BCAS1: variants seen among roughly 807,000 people sequenced by gnomAD.
BCAS1 encodes brain enriched myelin associated protein 1, also known as breast carcinoma-amplified sequence 1.
A neutral mutation model predicts 65.4 loss-of-function variants in BCAS1; 46 were observed. That is an observed-to-expected ratio of 0.70 (90% CI 0.55 to 0.90). The LOEUF is 0.90. Ranked by LOEUF, BCAS1 falls within the 40% of genes least tolerant of loss-of-function variation. The probability of loss-of-function intolerance (pLI) is 0.00; values close to 1 mark genes in which losing one functional copy is unlikely to be tolerated. For missense variants in BCAS1, 793 were observed against 771.2 expected, an observed-to-expected ratio of 1.03 and a Z score of -0.33; for synonymous variants, 298 against 293.5, an observed-to-expected ratio of 1.02 and a Z score of -0.16.
intron 1 of BCAS1, among the ~76,000 whole-genome samples, chr20:54,065,164 C>CTATCT (rs56202418): frequency 0.018 from 2,133 of 121,002 alleles, 30 homozygotes; most frequent in East Asian, 0.073. Flanking sequence ...ATCTATCTAT[C>CTATCT]ATCTACTTTA....
At chr20:54,017,878 C>T (rs2091472568) in intron 4 of BCAS1, among the ~76,000 whole-genome samples, 1 of 152,108 alleles carries the variant, frequency 6.6e-6, no homozygotes, top group African/African-American at 2.4e-5. Context: ...AGGAAAAATA[C>T]CCAATGTTAC....
intron 4 of BCAS1, among the ~76,000 whole-genome samples, chr20:54,011,347 A>G (rs1456766909): frequency 2.0e-5 from 3 of 152,162 alleles, no homozygotes; most frequent in African/African-American, 4.8e-5. Context: ...AGAGACTAGT[A>G]TTTAGAATAC....
chr20:53,981,603 T>A (rs1212822039), intron 8 of BCAS1, among the ~76,000 whole-genome samples: 1 of 151,782 alleles, frequency 6.6e-6, no homozygotes, highest in African/African-American at 2.4e-5. Flanking sequence ...ATTGGCCAAT[T>A]TTATAACTGA....
chr20:54,040,375 T>G (rs1201252937), intron 3 of BCAS1, among the ~76,000 whole-genome samples: 2 of 151,272 alleles, frequency 1.3e-5, no homozygotes, highest in Non-Finnish European at 3.0e-5. Context: ...CTTCAGTTGT[T>G]AGGACACCAC....
chr20:54,024,359 G>T (rs2091625283), intron 4 of BCAS1, among the ~76,000 whole-genome samples: 1 of 152,164 alleles, frequency 6.6e-6, no homozygotes, highest in South Asian at 2.1e-4. Context: ...AAACTGGTGG[G>T]CATTTTGTTT....
chr20:53,995,805 C>T (rs765712729), intron 5 of BCAS1, 87 bp downstream of exon 5: 12 of 1,375,340 alleles, frequency 8.7e-6, no homozygotes, highest in Non-Finnish European at 1.2e-5. Context: ...TCATTTAGTA[C>T]AATAACATTC....
intron 12 of BCAS1, among the ~76,000 whole-genome samples, chr20:53,953,022 T>A (rs1275455822): frequency 1.4e-5 from 2 of 147,442 alleles, no homozygotes; most frequent in Non-Finnish European, 3.0e-5. Context: ...TCAACAAATA[T>A]TACCCAGAGC....
chr20:54,059,542 G>T (rs1449598362), intron 1 of BCAS1, among the ~76,000 whole-genome samples: 3 of 151,234 alleles, frequency 2.0e-5, no homozygotes, highest in African/African-American at 7.3e-5. Context: ...ACTTACTTGG[G>T]TATATATTCA....
Position 53,956,519 on chromosome 20 carries a change from T to C in BCAS1, c.1551+913A>G, listed in dbSNP as rs111798282. ...TAGCTAACATGTATTGAGCCCTCTA[T>C]ACCAGAAATGTTCTAAGTGTTTTAC... On this transcript the variant is annotated intron_variant, in intron 11 of 12. Coordinates refer to ENST00000688948, the MANE Select transcript of BCAS1 (RefSeq NM_001366298.2). 7.4e-3 allele frequency among the ~76,000 whole-genome samples: 1,130 copies of C among 152,362 alleles called. 11 individuals are homozygous for C. The highest frequency in any genetic ancestry group is 0.042 in the South Asian group (202 of 4,832).
intron 9 of BCAS1, among the ~76,000 whole-genome samples, chr20:53,973,241 C>T (rs2090230418): frequency 6.6e-6 from 1 of 152,026 alleles, no homozygotes; most frequent in African/African-American, 2.4e-5. Context: ...AGAAAACAAA[C>T]AAACACACAA....
At chr20:53,957,353 A>G in intron 11 of BCAS1, 79 bp downstream of exon 11, 1 of 1,354,426 alleles carries the variant, frequency 7.4e-7, no homozygotes, top group Non-Finnish European at 1.1e-6. Flanking sequence ...GTGGCTGAGA[A>G]TTTTATTGAA....
At chr20:54,024,926 A>G (rs1454527390) in intron 4 of BCAS1, among the ~76,000 whole-genome samples, 1 of 152,182 alleles carries the variant, frequency 6.6e-6, no homozygotes, top group Non-Finnish European at 1.5e-5. Flanking sequence ...TGTTCTTATT[A>G]TTAGTAGCCT....
intron 4 of BCAS1, among the ~76,000 whole-genome samples, chr20:54,021,991 C>T (rs576809079): frequency 2.3e-4 from 35 of 152,286 alleles, no homozygotes; most frequent in African/African-American, 8.4e-4. Context: ...AAAAATGGTG[C>T]TGACAGACTT....
chr20:54,026,360 A>C (rs2091673531), intron 4 of BCAS1, among the ~76,000 whole-genome samples: 1 of 152,230 alleles, frequency 6.6e-6, no homozygotes, highest in South Asian at 2.1e-4. Context: ...TGAGTTAATA[A>C]ATCACAACTC....
intron 4 of BCAS1, among the ~76,000 whole-genome samples, chr20:54,006,476 G>A (rs529303580): frequency 1.4e-4 from 21 of 152,264 alleles, no homozygotes; most frequent in African/African-American, 4.3e-4. Context: ...TTGGGAGACC[G>A]AGGCAGGCAG....
At chr20:54,050,979 T>C (rs1336489240) in intron 3 of BCAS1, among the ~76,000 whole-genome samples, 1 of 152,060 alleles carries the variant, frequency 6.6e-6, no homozygotes, top group African/African-American at 2.4e-5. Context: ...TAAAAAGCCT[T>C]TTTAGGTATT....
At chr20:53,974,230 C>T (rs574261295) in intron 9 of BCAS1, among the ~76,000 whole-genome samples, 7 of 152,318 alleles carry the variant, frequency 4.6e-5, no homozygotes, top group East Asian at 3.9e-4. Context: ...AGCCACAACC[C>T]GCTTGGGTCC....
chr20:54,040,723 C>T lies in BCAS1; in HGVS notation c.143-11751G>A, dbSNP rs140806302. Among the ~76,000 whole-genome samples the T allele has an allele frequency of 4.6e-3, 691 of 151,266 alleles. 32 individuals carry two copies. Among genetic ancestry groups the T allele is most frequent in the Non-Finnish European group, 7.0e-3 (470 of 67,548 alleles). ...GGGAAGATGTGAAAAAATCGGAATG[C>T]TCATGCATTGCTGGTAGGAATGTGA... On this transcript the variant is annotated intron_variant, in intron 3 of 12. Coordinates refer to ENST00000688948, the MANE Select transcript of BCAS1 (RefSeq NM_001366298.2).
chr20:53,946,838 G>T (rs1402922053), intron 12 of BCAS1, among the ~76,000 whole-genome samples: 2 of 148,314 alleles, frequency 1.3e-5, no homozygotes, highest in Non-Finnish European at 3.0e-5. Flanking sequence ...AAGTATGTAT[G>T]GTCTAGTATA....
Sources: allele counts gnomAD v4.1 joint callset (sites outside exome capture counted in the v4.1 genomes callset), GRCh38; gene constraint gnomAD v4.1.1; transcripts MANE v1.5; gene names NCBI Gene and HGNC (gene_info 2026-07-23, HGNC 2026-07-21).